DLGAP1: variants seen among roughly 807,000 people sequenced by gnomAD.
The protein encoded by DLGAP1 is disks large-associated protein 1.
DLGAP1 carries 11 observed loss-of-function variants against 90.8 expected under a neutral mutation model. The observed-to-expected ratio is 0.12, with a 90% confidence interval of 0.08 to 0.20. The LOEUF is 0.20. Ranked by LOEUF, DLGAP1 falls within the 10% of genes least tolerant of loss-of-function variation. DLGAP1 has a pLI of 1.00. For missense variants in DLGAP1, 1,050 were observed against 1,333.8 expected, an observed-to-expected ratio of 0.79 and a Z score of 3.31; for synonymous variants, 558 against 540.7, an observed-to-expected ratio of 1.03 and a Z score of -0.44.
intron 2 of DLGAP1, among the ~76,000 whole-genome samples, chr18:4,057,877 C>T (rs774860149): frequency 6.6e-6 from 1 of 152,162 alleles, no homozygotes; most frequent in South Asian, 2.1e-4. Flanking sequence ...TGATTTTCTC[C>T]TCCCCTTTCA....
chr18:3,840,578 C>T (rs2068657510), intron 4 of DLGAP1, among the ~76,000 whole-genome samples: 1 of 152,334 alleles, frequency 6.6e-6, no homozygotes, highest in South Asian at 2.1e-4. Context: ...AATGTAATCA[C>T]ATCTGCAAAG....
intron 1 of DLGAP1, among the ~76,000 whole-genome samples, chr18:4,406,319 T>C (rs997036278): frequency 2.0e-5 from 3 of 152,210 alleles, no homozygotes; most frequent in African/African-American, 4.8e-5. Context: ...CTATTGTTAC[T>C]TGAGCATGGA....
intron 5 of DLGAP1, among the ~76,000 whole-genome samples, chr18:3,808,054 T>C (rs1185372819): frequency 1.3e-5 from 2 of 152,230 alleles, no homozygotes; most frequent in East Asian, 3.8e-4. Flanking sequence ...AGGAACATTT[T>C]TTTAAAAACT....
At chr18:4,442,781 T>C (rs560198355) in intron 1 of DLGAP1, among the ~76,000 whole-genome samples, 1 of 152,372 alleles carries the variant, frequency 6.6e-6, no homozygotes, top group African/African-American at 2.4e-5. Context: ...TATTTATAGC[T>C]GTTATTCCTT....
chr18:3,882,733 C>T (rs1294585999), intron 3 of DLGAP1, among the ~76,000 whole-genome samples: 1 of 152,102 alleles, frequency 6.6e-6, no homozygotes, highest in Non-Finnish European at 1.5e-5. Flanking sequence ...GGCTGCTATT[C>T]CATCAGGGCA....
At chr18:3,833,191 TTCCTTCCTTCCTTCCTTCC>T (rs2068149629) in intron 4 of DLGAP1, among the ~76,000 whole-genome samples, 3 of 98,506 alleles carry the variant, frequency 3.0e-5, no homozygotes, top group Admixed American at 1.1e-4. Context: ...CCTTCCTTCC[TTCCTTCCTTCCTTCCTTCC>T]TTCCTTCCTT....
In DLGAP1 at chr18:3,534,689, T is replaced by C. The variant is rs865919345; in HGVS notation, c.2058-74A>G. ...TCCTTCCTTCCTTCCTTCCTTCCTT[T>C]CTTTCTTTTTTTTTTTTTTTTGACA... On this transcript the variant is annotated intron_variant, in intron 9 of 12. Transcript: ENST00000315677. 4.4e-3 allele frequency: 5,774 copies of C among 1,299,112 alleles called. 151 individuals carry two copies. The African/African-American group carries it at 0.088, about 20-fold the overall frequency. 80.5% of individuals were successfully genotyped at this position (1,299,112 alleles called of 1,614,324 possible).
At chr18:3,725,729 G>A (rs1241843539) in intron 7 of DLGAP1, among the ~76,000 whole-genome samples, 2 of 152,160 alleles carry the variant, frequency 1.3e-5, no homozygotes, top group East Asian at 3.8e-4. Flanking sequence ...AGTTAGACAA[G>A]CCAAGAAGTC....
intron 2 of DLGAP1, among the ~76,000 whole-genome samples, chr18:4,067,490 G>A (rs73382637): frequency 0.014 from 2,192 of 152,002 alleles, 42 homozygotes; most frequent in East Asian, 0.048. Context: ...GTTGACCAGC[G>A]TTAACATTAA....
chr18:3,628,000 T>C (rs2058366139), intron 7 of DLGAP1, among the ~76,000 whole-genome samples: 1 of 146,762 alleles, frequency 6.8e-6, no homozygotes, highest in Non-Finnish European at 1.5e-5. Flanking sequence ...TGCCACAGCC[T>C]CCCGAGTAGC....
chr18:4,235,149 ATTC>A (rs1462777100), intron 1 of DLGAP1, among the ~76,000 whole-genome samples: 1 of 152,146 alleles, frequency 6.6e-6, no homozygotes, highest in Non-Finnish European at 1.5e-5. Context: ...GGAAGCACAT[ATTC>A]TTCTGTCCCT....
chr18:4,221,485 GTGTGC>G (rs2078075509), intron 1 of DLGAP1, among the ~76,000 whole-genome samples: 1 of 152,070 alleles, frequency 6.6e-6, no homozygotes, highest in African/African-American at 2.4e-5. Flanking sequence ...TGAAAGTTAT[GTGTGC>G]TGCTTCCAAG....
Position 3,658,347 on chromosome 18 carries a change from G to A in DLGAP1, c.1591+70788C>T, listed in dbSNP as rs546826693. ...CTTCCAAAATGTCTGAAACTGTAAC[G>A]TCTGGCTCTTGCAAGCTGGTATGAA... On this transcript the variant is annotated intron_variant, in intron 7 of 12. Coordinates refer to ENST00000315677, the MANE Select transcript of DLGAP1 (RefSeq NM_004746.4). Among the ~76,000 whole-genome samples the A allele has an allele frequency of 2.2e-4, 34 of 152,212 alleles. No individual in the cohort carries two copies. The South Asian group carries it at 6.8e-3, about 31-fold the overall frequency.
chr18:3,824,950 ATG>A (rs1257464608), intron 4 of DLGAP1, among the ~76,000 whole-genome samples: 1 of 152,254 alleles, frequency 6.6e-6, no homozygotes, highest in Non-Finnish European at 1.5e-5. Context: ...CCTCATGCAC[ATG>A]TGTGATTCAA....
In DLGAP1 at chr18:3,879,190, C is replaced by A. The variant is rs1464649177; in HGVS notation, c.879G>T (p.Gln293His). Reference protein sequence around the residue: ...LTVSRAREVYQKASVNMDQAM... With the variant: ...LTVSRAREVYHKASVNMDQAM... ...CCTGGTCCATGTTCACCGAGGCCTT[C>A]TGGTAAACCTCCCGGGCCCGGCTCA... The change falls in exon 4 of 13, where the codon CAG (glutamine) becomes CAT (histidine). Residue 293 changes from glutamine to histidine, a missense_variant. Transcript: ENST00000315677. The surrounding 1 kb of genome is among the most constrained non-coding windows in gnomAD (Gnocchi z 6.6). The A allele has an allele frequency of 6.5e-7, 1 of 1,531,886 alleles. No individual in the cohort carries two copies. 94.9% of individuals were successfully genotyped at this position (1,531,886 alleles called of 1,614,324 possible).
At chr18:3,987,424 T>A (rs188611378) in intron 3 of DLGAP1, among the ~76,000 whole-genome samples, 18 of 152,350 alleles carry the variant, frequency 1.2e-4, no homozygotes, top group African/African-American at 4.3e-4. Context: ...ATTTAAAAAT[T>A]CTAAAATTCA....
At position 3,499,081 on chromosome 18, in the gene DLGAP1, A is replaced by C. The variant is rs1306565025; in HGVS notation, c.*104T>G. Reference sequence around the variant, plus strand: ...TACACCGCGACAGTGGAAGTCACCGAGCTCGGGAGCGGACGGGCTCGGAGG... The same window carrying C: ...TACACCGCGACAGTGGAAGTCACCGCGCTCGGGAGCGGACGGGCTCGGAGG... On this transcript the variant is annotated 3_prime_UTR_variant, in exon 13 of 13. Coordinates refer to ENST00000315677, the MANE Select transcript of DLGAP1 (RefSeq NM_004746.4). This position sits in a 1 kb window ranked among gnomAD's most constrained non-coding sequence, Gnocchi z 6.4. 4 of 1,078,532 alleles carry C rather than the reference A, an allele frequency of 3.7e-6. No homozygotes were observed. The highest frequency in any genetic ancestry group is 5.0e-6 in the Non-Finnish European group (4 of 792,890). The allele number at this position is 1,078,532 out of a possible 1,614,324, so 66.8% of individuals were successfully genotyped here.
chr18:3,953,550 T>C (rs570336937), intron 3 of DLGAP1, among the ~76,000 whole-genome samples: 1 of 140,310 alleles, frequency 7.1e-6, no homozygotes, highest in African/African-American at 2.5e-5. Flanking sequence ...TTCCATCATA[T>C]ATATGTACAC....
chr18:4,417,991 GA>G (rs879332196), intron 1 of DLGAP1, among the ~76,000 whole-genome samples: 8 of 152,056 alleles, frequency 5.3e-5, no homozygotes, highest in Non-Finnish European at 8.8e-5. Context: ...CAGTGCAAAG[GA>G]AAGACTTAAA....
Sources: gnomAD v4.1 joint callset for allele counts (sites outside exome capture counted in the v4.1 genomes callset) on GRCh38, gnomAD v4.1.1 for gene constraint, Gnocchi (gnomAD v3.1) non-coding constraint, MANE v1.5 for transcripts, NCBI Gene and HGNC (gene_info 2026-07-23, HGNC 2026-07-21) for gene names.